The following CD8A variants were observed in gnomAD, a reference collection of about 807,000 sequenced individuals.
The protein encoded by CD8A is CD8 subunit alpha.
Under a neutral mutation model 24.2 loss-of-function variants are expected in CD8A, and 25 were observed. That is an observed-to-expected ratio of 1.03 (90% CI 0.75 to 1.44). The LOEUF (loss-of-function observed/expected upper bound fraction) is 1.44, where lower values mean the gene tolerates loss of function less well. Among genes scored for constraint, CD8A ranks in the 40% most tolerant of loss-of-function variants. The probability of loss-of-function intolerance (pLI) is 0.00; values close to 1 mark genes in which losing one functional copy is unlikely to be tolerated. For missense variants in CD8A, 360 were observed against 319.7 expected (o/e 1.13, Z -0.96); for synonymous variants, 165 against 149.9 (o/e 1.10, Z -0.74).
At chr2:86,790,744 C>T in intron 1 of CD8A, 33 bp downstream of exon 1, 1 of 1,517,590 alleles carries the variant, frequency 6.6e-7, no homozygotes, top group Non-Finnish European at 8.9e-7. Context: ...CCGCCCGCCC[C>T]ATCCCCTGCC....
chr2:86,794,927 G>A (rs947333247), upstream of CD8A, among the ~76,000 whole-genome samples: 4 of 152,150 alleles, frequency 2.6e-5, no homozygotes, highest in Non-Finnish European at 5.9e-5. Context: ...AGCCAAGAAT[G>A]TTCTCACCTC....
At chr2:86,798,173 T>G (rs1673541885) in intron 3 of CD8A, among the ~76,000 whole-genome samples, 1 of 151,630 alleles carries the variant, frequency 6.6e-6, no homozygotes, top group African/African-American at 2.4e-5. Context: ...AACAGAGCTT[T>G]CTTTCTTTTT....
In CD8A at chr2:86,785,974, G is replaced by C. The variant is rs1210654700; in HGVS notation, c.657-3C>G. 6.2e-7 allele frequency: 1 copy of C among 1,613,034 alleles called. No homozygotes were observed. The highest frequency in any genetic ancestry group is 8.5e-7 in the Non-Finnish European group (1 of 1,179,086). ...TGTCTCCCGATTTGACCACAGGCCTGAAAGAGAGGAAAGCGACCATCATTG... is the reference window on the plus strand; with the variant it reads ...TGTCTCCCGATTTGACCACAGGCCTCAAAGAGAGGAAAGCGACCATCATTG... On this transcript the variant is annotated splice_region_variant and splice_polypyrimidine_tract_variant and intron_variant, in intron 5 of 5. Coordinates refer to ENST00000283635, the MANE Select transcript of CD8A (RefSeq NM_001768.7).
At chr2:86,793,593 A>G (rs1241155126), upstream of CD8A, among the ~76,000 whole-genome samples, 1 of 152,224 alleles carries the variant, frequency 6.6e-6, no homozygotes, top group Non-Finnish European at 1.5e-5. Context: ...CCAGCACTGT[A>G]TCAGGAGTGT....
At chr2:86,802,180 G>A (rs1362255608) in intron 2 of CD8A, among the ~76,000 whole-genome samples, 3 of 152,088 alleles carry the variant, frequency 2.0e-5, no homozygotes, top group Non-Finnish European at 4.4e-5. Context: ...TGGGATTACA[G>A]GCACCCGCCA....
chr2:86,785,584 G>T lies in CD8A; in HGVS notation c.*336C>A. The T allele has an allele frequency of 1.9e-6, 1 of 537,140 alleles. No homozygotes were observed. Among genetic ancestry groups the T allele is most frequent in the Non-Finnish European group, 3.6e-6 (1 of 280,778 alleles). 33.3% of individuals were successfully genotyped at this position (537,140 alleles called of 1,614,324 possible). A position where few individuals can be genotyped will look rare whatever the true frequency, so the allele number is the denominator to read the frequency against. Reference sequence around the variant, plus strand: ...GCTTTAGCCTCCCCCTTTGTAAAACGGGCGGGGAAGAGGTTGAGATGGCAT... The same window carrying T: ...GCTTTAGCCTCCCCCTTTGTAAAACTGGCGGGGAAGAGGTTGAGATGGCAT... On this transcript the variant is annotated 3_prime_UTR_variant, in exon 6 of 6. Coordinates refer to ENST00000283635, the MANE Select transcript of CD8A (RefSeq NM_001768.7).
rs754568225 is a variant in CD8A, at chr2:86,789,710, C to G, written c.444G>C (p.Pro148=). 3.6e-6 allele frequency: 5 copies of G among 1,390,920 alleles called. No homozygotes were observed. Among genetic ancestry groups the G allele is most frequent in the Non-Finnish European group, 4.6e-6 (5 of 1,080,016 alleles). 86.2% of individuals were successfully genotyped at this position (1,390,920 alleles called of 1,614,324 possible). The change falls in exon 3 of 6, where the codon CCG becomes CCC. Residue 148 remains proline, a synonymous_variant. Coordinates refer to ENST00000283635, the MANE Select transcript of CD8A (RefSeq NM_001768.7). ...TTTPAPRPPT[P]APTIASQPLS... ...GGGGCTGCGACGCGATGGTGGGCGC[C>G]GGTGTTGGTGGTCGCGGCGCTGGCG...
intron 3 of CD8A, among the ~76,000 whole-genome samples, chr2:86,796,385 A>C (rs980090935): frequency 2.5e-4 from 38 of 152,356 alleles, no homozygotes; most frequent in African/African-American, 9.1e-4. Flanking sequence ...AAAAACATAT[A>C]CATCTTTGCA....
chr2:86,791,681 A>T (rs1195476622), upstream of CD8A: 1 of 453,994 alleles, frequency 2.2e-6, no homozygotes. Flanking sequence ...ATGGAAATTC[A>T]ACCCCCAGCT....
upstream of CD8A, among the ~76,000 whole-genome samples, chr2:86,792,003 C>T (rs1175623139): frequency 6.6e-6 from 1 of 152,152 alleles, no homozygotes; most frequent in East Asian, 1.9e-4. Flanking sequence ...CTGTCCCTAA[C>T]ACATGTGTGT....
At chr2:86,794,135 C>T (rs1673402045), upstream of CD8A, among the ~76,000 whole-genome samples, 1 of 152,152 alleles carries the variant, frequency 6.6e-6, no homozygotes, top group Admixed American at 6.5e-5. Context: ...CCAAACCCCA[C>T]ACTGTAGCAC....
chr2:86,806,800 G>T (rs1286727893), intron 2 of CD8A, among the ~76,000 whole-genome samples: 1 of 152,202 alleles, frequency 6.6e-6, no homozygotes, highest in Non-Finnish European at 1.5e-5. Context: ...ACATGGGAGT[G>T]AAAAGCTTTA....
At chr2:86,791,258 G>A (rs1191989667), upstream of CD8A, 4 of 375,092 alleles carry the variant, frequency 1.1e-5, no homozygotes, top group East Asian at 2.7e-4. Context: ...TTCACTAAAG[G>A]CGTCTCTTGT....
upstream of CD8A, among the ~76,000 whole-genome samples, chr2:86,794,132 C>G (rs746238427): frequency 1.3e-5 from 2 of 152,058 alleles, no homozygotes; most frequent in Non-Finnish European, 2.9e-5. Flanking sequence ...TTCCCAAACC[C>G]CACACTGTAG....
chr2:86,789,353 A>G lies in CD8A; in HGVS notation c.595T>C (p.Ser199Pro), dbSNP rs746351511. 6.2e-6 allele frequency: 10 copies of G among 1,612,704 alleles called. No individual in the cohort carries two copies. In the East Asian group the frequency reaches 2.0e-4, roughly 32 times the overall value. Reference protein sequence around the residue: ...LAGTCGVLLLSLVITLYCNHR... With the variant: ...LAGTCGVLLLPLVITLYCNHR... ...TTGCAGTAAAGGGTGATAACCAGTG[A>G]CAGGAGAAGGACCCCACAAGTCCCG... Residue 199 changes from serine (S) to proline (P), a missense_variant, in exon 4 of 6, where the codon TCA becomes CCA. Coordinates refer to ENST00000283635, the MANE Select transcript of CD8A (RefSeq NM_001768.7).
chr2:86,786,989 A>C (rs111976570), intron 5 of CD8A, among the ~76,000 whole-genome samples: 13,762 of 113,092 alleles, frequency 0.12, 945 homozygotes, highest in Middle Eastern at 0.16. Context: ...CACTGCACTC[A>C]AGCCTGGGCG....
At chr2:86,803,155 T>A (rs1673729717) in intron 2 of CD8A, among the ~76,000 whole-genome samples, 1 of 152,206 alleles carries the variant, frequency 6.6e-6, no homozygotes, top group African/African-American at 2.4e-5. Flanking sequence ...AAGAAGTACA[T>A]TCATTTTATA....
chr2:86,801,169 GC>G lies in CD8A; in HGVS notation c.-271+341del, dbSNP rs1673658659. Among the ~76,000 whole-genome samples the G allele has an allele frequency of 7.9e-5, 12 of 152,274 alleles. No individual in the cohort carries two copies. In the South Asian group the frequency reaches 2.5e-3, roughly 32 times the overall value. On this transcript the variant is annotated intron_variant, in intron 3 of 8. Coordinates refer to the CD8A transcript ENST00000409511. ...GAGGCAATAAATTTCTTTTGTTGAA[GC>G]CACCTAGTTTGTGGTACTTTGTTAA...
upstream of CD8A, among the ~76,000 whole-genome samples, chr2:86,794,453 T>C (rs991741272): frequency 2.6e-5 from 4 of 152,122 alleles, no homozygotes; most frequent in South Asian, 4.1e-4. Flanking sequence ...TTCAGGTCTA[T>C]GGAGATGTTA....
Sources: allele counts gnomAD v4.1 joint callset (sites outside exome capture counted in the v4.1 genomes callset), GRCh38; gene constraint gnomAD v4.1.1; transcripts MANE v1.5; gene names NCBI Gene and HGNC (gene_info 2026-07-23, HGNC 2026-07-21).